The following PDIK1L variants were observed in gnomAD, a reference collection of about 807,000 sequenced individuals.
PDIK1L encodes PDLIM1 interacting kinase 1 like, also known as serine/threonine-protein kinase PDIK1L.
Under a neutral mutation model 27.1 loss-of-function variants are expected in PDIK1L, and 9 were observed. The observed-to-expected ratio is 0.33, with a 90% CI of 0.20 to 0.58. The LOEUF is 0.58. Among genes scored for constraint, PDIK1L ranks in the 20% least tolerant of loss-of-function variants. The probability of loss-of-function intolerance (pLI) is 0.86; values close to 1 mark genes in which losing one functional copy is unlikely to be tolerated. For synonymous variants in PDIK1L, 130 were observed against 141.7 expected (o/e 0.92, Z 0.59); for missense variants, 216 against 413.2 (o/e 0.52, Z 4.14).
chr1:26,111,166 G>A (rs1165959187), upstream of PDIK1L: 1 of 155,988 alleles, frequency 6.4e-6, no homozygotes, highest in African/African-American at 2.4e-5. This position sits in a 1 kb window ranked among gnomAD's most constrained non-coding sequence, Gnocchi z 4.0. Flanking sequence ...CATCCTCCCA[G>A]ATGATCGCAC....
In PDIK1L at chr1:26,123,745, T is replaced by A. The variant is rs986140498; in HGVS notation, c.*1168T>A. ...TTTATCTAAAGTGGGAGAAGATACA[T>A]ACACAGTATGGCAAATGGATAAAAT... is the stretch of plus-strand genomic sequence containing the variant. On this transcript the variant is annotated 3_prime_UTR_variant, in exon 3 of 3. Coordinates refer to ENST00000374269, the MANE Select transcript of PDIK1L (RefSeq NM_152835.5). 1 of 152,768 alleles carries A rather than the reference T, an allele frequency of 6.5e-6. No individual in the cohort carries two copies. The highest frequency in any genetic ancestry group is 1.9e-4 in the East Asian group (1 of 5,186). 9.5% of individuals were successfully genotyped at this position (152,768 alleles called of 1,614,324 possible).
At chr1:26,115,589 C>T (rs967123971) in intron 2 of PDIK1L, among the ~76,000 whole-genome samples, 2 of 151,344 alleles carry the variant, frequency 1.3e-5, no homozygotes, top group Non-Finnish European at 2.9e-5. Flanking sequence ...ATCACGAGGT[C>T]AGGAGATCAA....
At chr1:26,111,804 G>C (rs1182640637), upstream of PDIK1L, 2 of 151,778 alleles carry the variant, frequency 1.3e-5, no homozygotes, top group African/African-American at 2.4e-5. This position sits in a 1 kb window ranked among gnomAD's most constrained non-coding sequence, Gnocchi z 4.0. Context: ...CGCGCACCAC[G>C]GGGGCGCGCG....
At chr1:26,120,845 G>A (rs1181064752) in intron 2 of PDIK1L, among the ~76,000 whole-genome samples, 1 of 151,852 alleles carries the variant, frequency 6.6e-6, no homozygotes, top group Non-Finnish European at 1.5e-5. Flanking sequence ...TCGGCTACTT[G>A]GGAGGCCGAG....
chr1:26,115,423 A>C (rs1336298016), intron 2 of PDIK1L, among the ~76,000 whole-genome samples: 1 of 152,256 alleles, frequency 6.6e-6, no homozygotes, highest in Non-Finnish European at 1.5e-5. Context: ...GCCAGAAATT[A>C]AAATCTCTAG....
chr1:26,116,344 T>C (rs906956710), intron 2 of PDIK1L, among the ~76,000 whole-genome samples: 15 of 151,550 alleles, frequency 9.9e-5, no homozygotes, highest in African/African-American at 3.6e-4. Context: ...ACCCCATCTG[T>C]ACAAAAAAAA....
intron 2 of PDIK1L, among the ~76,000 whole-genome samples, chr1:26,115,584 G>A (rs373358340): frequency 3.3e-5 from 5 of 150,780 alleles, no homozygotes; most frequent in Admixed American, 2.0e-4. Flanking sequence ...GGCAGATCAC[G>A]AGGTCAGGAG....
intron 2 of PDIK1L, among the ~76,000 whole-genome samples, chr1:26,117,311 C>T (rs936068284): frequency 5.9e-5 from 9 of 152,072 alleles, no homozygotes; most frequent in Non-Finnish European, 4.4e-5. Context: ...GGATTACAGG[C>T]GTGAGCCACC....
intron 2 of PDIK1L, among the ~76,000 whole-genome samples, chr1:26,118,803 T>C (rs2087923876): frequency 1.3e-5 from 2 of 152,222 alleles, no homozygotes; most frequent in Non-Finnish European, 2.9e-5. Flanking sequence ...AACCAATATT[T>C]ACATTTAGTA....
chr1:26,114,144 T>C lies in PDIK1L; in HGVS notation c.-17-148T>C, dbSNP rs751525020. On this transcript the variant is annotated intron_variant, in intron 1 of 2. Coordinates refer to ENST00000374269, the MANE Select transcript of PDIK1L (RefSeq NM_152835.5). The surrounding 1 kb of genome is among the most constrained non-coding windows in gnomAD (Gnocchi z 4.8). ...CTACCTGTTAGCTTTATTGTTACTA[T>C]TCTTAAAATTAGATTTCCCCTAGGT... The C allele has an allele frequency of 6.6e-5, 49 of 739,714 alleles. No homozygotes were observed. In the Admixed American group the frequency reaches 1.1e-3, roughly 16 times the overall value. The allele number at this position is 739,714 out of a possible 1,614,324, so 45.8% of individuals were successfully genotyped here.
chr1:26,117,743 CAAAACAAAAACA>C (rs377728240), intron 2 of PDIK1L, among the ~76,000 whole-genome samples: 10 of 150,392 alleles, frequency 6.6e-5, no homozygotes, highest in African/African-American at 2.0e-4. Context: ...ACTCCATCTC[CAAAACAAAAACA>C]AAAACAAAAA....
At position 26,118,602 on chromosome 1, in the gene PDIK1L, G is replaced by T. The variant is rs1369309235; in HGVS notation, c.286-3235G>T. Among the ~76,000 whole-genome samples the T allele has an allele frequency of 2.0e-5, 3 of 152,268 alleles. No individual in the cohort carries two copies. The East Asian group carries it at 5.8e-4, about 29-fold the overall frequency. ...TCTATTTCTTCATATTTAAGATAAG[G>T]GGTAATAATATCTACTTTGTATAGG... On this transcript the variant is annotated intron_variant, in intron 2 of 2. Transcript: ENST00000374269.
intron 2 of PDIK1L, among the ~76,000 whole-genome samples, chr1:26,119,133 C>T (rs1204960061): frequency 1.3e-5 from 2 of 152,236 alleles, no homozygotes; most frequent in African/African-American, 4.8e-5. Context: ...GTTGGCTGGA[C>T]GCAGTGGCTT....
At chr1:26,115,754 A>G (rs2087865408) in intron 2 of PDIK1L, among the ~76,000 whole-genome samples, 1 of 151,964 alleles carries the variant, frequency 6.6e-6, no homozygotes, top group South Asian at 2.1e-4. Flanking sequence ...GTGAGCCGAG[A>G]TCGCGCCACT....
In PDIK1L at chr1:26,123,000, A is replaced by C. The variant is rs1361471908; in HGVS notation, c.*423A>C. On this transcript the variant is annotated 3_prime_UTR_variant, in exon 3 of 3. Transcript: ENST00000374269. This position sits in a 1 kb window ranked among gnomAD's most constrained non-coding sequence, Gnocchi z 5.4. ...AACATATATGTATATATTTATGTATATGTAAGTATGTGAATGTGCGCATTT... is the reference window on the plus strand; with the variant it reads ...AACATATATGTATATATTTATGTATCTGTAAGTATGTGAATGTGCGCATTT... 6.5e-6 allele frequency: 1 copy of C among 153,554 alleles called. No individual in the cohort carries two copies. Among genetic ancestry groups the C allele is most frequent in the African/African-American group, 2.4e-5 (1 of 41,436 alleles). The allele number at this position is 153,554 out of a possible 1,614,324, so 9.5% of individuals were successfully genotyped here. A position where few individuals can be genotyped will look rare whatever the true frequency, so the allele number is the denominator to read the frequency against.
rs750987424 is a variant in PDIK1L, at chr1:26,121,950, C to G, written c.399C>G (p.Ser133=). The change falls in exon 3 of 3, where the codon TCC becomes TCG. Residue 133 remains serine, a synonymous_variant. Transcript: ENST00000374269. ...GAGATATGAATGAGTATCTGTTGTC[C>G]AGGAAACCCAATCGTAAAACTAACA... ...DGGDMNEYLL[S]RKPNRKTNTS... The G allele has an allele frequency of 1.2e-5, 19 of 1,613,592 alleles. No homozygotes were observed. The highest frequency in any genetic ancestry group is 2.7e-5 in the African/African-American group (2 of 74,732).
At chr1:26,120,693 C>T (rs1202177864) in intron 2 of PDIK1L, among the ~76,000 whole-genome samples, 1 of 152,176 alleles carries the variant, frequency 6.6e-6, no homozygotes, top group Non-Finnish European at 1.5e-5. Flanking sequence ...ATGGCTCATG[C>T]CTATAGTCCC....
intron 2 of PDIK1L, among the ~76,000 whole-genome samples, chr1:26,117,514 C>T (rs1457828506): frequency 2.0e-5 from 3 of 152,124 alleles, no homozygotes; most frequent in African/African-American, 7.2e-5. Flanking sequence ...ACCTATAATC[C>T]TAGCCGAGGC....
intron 2 of PDIK1L, among the ~76,000 whole-genome samples, chr1:26,120,449 A>G (rs6702008): frequency 0.016 from 2,417 of 152,328 alleles, 71 homozygotes; most frequent in African/African-American, 0.056. Context: ...TGCAAAAGAG[A>G]TATCTGCAGA....
Sources: gnomAD v4.1 joint callset for allele counts (sites outside exome capture counted in the v4.1 genomes callset) on GRCh38, gnomAD v4.1.1 for gene constraint, Gnocchi (gnomAD v3.1) non-coding constraint, MANE v1.5 for transcripts, NCBI Gene and HGNC (gene_info 2026-07-23, HGNC 2026-07-21) for gene names.